The following FBXO39 variants were observed in gnomAD, a reference collection of about 807,000 sequenced individuals.
The protein encoded by FBXO39 is F-box only protein 39.
A neutral mutation model predicts 36.6 loss-of-function variants in FBXO39; 22 were observed. That is an observed-to-expected ratio of 0.60 (90% CI 0.43 to 0.86). The LOEUF (loss-of-function observed/expected upper bound fraction) is 0.86. FBXO39 is among the 40% of genes least tolerant of loss of function. The pLI is 0.00. For missense variants in FBXO39, 536 were observed against 543.9 expected (o/e 0.99, Z 0.14); for synonymous variants, 206 against 205.8 (o/e 1.00, Z -0.01).
chr17:6,785,063 C>T (rs917563891), intron 2 of FBXO39, among the ~76,000 whole-genome samples: 7 of 149,154 alleles, frequency 4.7e-5, no homozygotes, highest in Non-Finnish European at 1.0e-4. Flanking sequence ...TATTACAGAG[C>T]TATAGTCACT....
At chr17:6,779,716 A>G (rs1976479213) in intron 1 of FBXO39, 73 bp from the exon 2 acceptor site, 1 of 795,354 alleles carries the variant, frequency 1.3e-6, no homozygotes, top group African/African-American at 1.7e-5. Context: ...ACTTGGGACC[A>G]CAGGGAAAGC....
chr17:6,776,618 T>C (rs920234560), intron 1 of FBXO39, among the ~76,000 whole-genome samples: 6 of 152,166 alleles, frequency 3.9e-5, no homozygotes, highest in African/African-American at 1.4e-4. Flanking sequence ...ATTTGTGAAA[T>C]GGATGTGTTT....
chr17:6,780,468 C>G lies in FBXO39; in HGVS notation c.600C>G (p.Ile200Met). Residue 200 changes from isoleucine (I) to methionine (M), a missense_variant, in exon 2 of 4, where the codon ATC becomes ATG. Transcript: ENST00000321535. ...RNENVISELN[I>M]EDYFSHHLAV... ...AGAATGTGATCTCAGAGCTCAACAT[C>G]GAGGACTATTTCAGCCATCACCTTG... 6.2e-7 allele frequency: 1 copy of G among 1,614,140 alleles called. No individual in the cohort carries two copies. Among genetic ancestry groups the G allele is most frequent in the Non-Finnish European group, 8.5e-7 (1 of 1,180,032 alleles).
chr17:6,786,678 TG>T, intron 2 of FBXO39, 101 bp from the exon 3 acceptor site: 2 of 943,370 alleles, frequency 2.1e-6, no homozygotes, highest in East Asian at 2.5e-5. Flanking sequence ...CAAATCATCA[TG>T]GCTATCAGGC....
intron 2 of FBXO39, among the ~76,000 whole-genome samples, chr17:6,784,018 A>G (rs1284104208): frequency 6.6e-6 from 1 of 152,134 alleles, no homozygotes; most frequent in Non-Finnish European, 1.5e-5. Flanking sequence ...TCCTCAACAA[A>G]TTATTGGCAA....
chr17:6,786,687 G>C, intron 2 of FBXO39, 93 bp from the exon 3 acceptor site: 3 of 1,084,964 alleles, frequency 2.8e-6, no homozygotes, highest in South Asian at 1.7e-5. Flanking sequence ...ATGGCTATCA[G>C]GCCCAGAGCC....
chr17:6,787,255 C>CGCGCGT (rs774049233), intron 3 of FBXO39, 45 bp from the exon 4 acceptor site: 24 of 1,501,002 alleles, frequency 1.6e-5, no homozygotes, highest in Middle Eastern at 1.8e-4. Context: ...TGTGTGTGTG[C>CGCGCGT]GTGTGTGCGT....
rs1345698582 is a variant in FBXO39, at chr17:6,780,072, C to T, written c.204C>T (p.Ser68=). The T allele has an allele frequency of 2.5e-6, 4 of 1,614,182 alleles. No homozygotes were observed. The highest frequency in any genetic ancestry group is 3.4e-6 in the Non-Finnish European group (4 of 1,180,034). The change falls in exon 2 of 4, where the codon TCC becomes TCT. Residue 68 remains serine, a synonymous_variant. Coordinates refer to ENST00000321535, the MANE Select transcript of FBXO39 (RefSeq NM_153230.3). ...YRTITFSGRP[S]RVHASEVESA... Reference sequence around the variant, plus strand: ...CCATCACCTTCAGCGGGAGACCTTCCAGGGTACATGCATCTGAAGTTGAGT... The same window carrying T: ...CCATCACCTTCAGCGGGAGACCTTCTAGGGTACATGCATCTGAAGTTGAGT...
In FBXO39 at chr17:6,780,076, GTACATGCA is replaced by G. The variant is rs758244915; in HGVS notation, c.210_217del (p.His71Ter). On this transcript the variant is annotated frameshift_variant, in exon 2 of 4. Coordinates refer to ENST00000321535, the MANE Select transcript of FBXO39 (RefSeq NM_153230.3). LOFTEE classifies it high-confidence loss of function. ...CACCTTCAGCGGGAGACCTTCCAGGGTACATGCATCTGAAGTTGAGTCAGCTGTTTGGT... is the reference window on the plus strand; with the variant it reads ...CACCTTCAGCGGGAGACCTTCCAGGGTCTGAAGTTGAGTCAGCTGTTTGGT... 1 of 1,614,208 alleles carries G rather than the reference GTACATGCA, an allele frequency of 6.2e-7. No homozygotes were observed. Among genetic ancestry groups the G allele is most frequent in the Non-Finnish European group, 8.5e-7 (1 of 1,180,034 alleles).
At position 6,780,418 on chromosome 17, in the gene FBXO39, G is replaced by A. The variant is rs772204934; in HGVS notation, c.550G>A (p.Asp184Asn). The change falls in exon 2 of 4, where the codon GAC (aspartate) becomes AAC (asparagine). Residue 184 changes from aspartate to asparagine, a missense_variant. Physicochemically the swap from Asp to Asn is conservative, Grantham distance 23. Coordinates refer to ENST00000321535, the MANE Select transcript of FBXO39 (RefSeq NM_153230.3). ...CGTGGAGCAAGGCTGCCAAATTCTC[G>A]ACTCCCTCAGCTACATGAGGAATGA... ...LTVEQGCQIL[D>N]SLSYMRNENV... is the part of the protein sequence containing the mutation. The A allele has an allele frequency of 1.1e-5, 18 of 1,613,886 alleles. No individual in the cohort carries two copies. Among genetic ancestry groups the A allele is most frequent in the African/African-American group, 2.7e-5 (2 of 74,876 alleles).
chr17:6,780,907 G>A lies in FBXO39; in HGVS notation c.1023+16G>A, dbSNP rs757995841. On this transcript the variant is annotated intron_variant, in intron 2 of 3. Coordinates refer to ENST00000321535, the MANE Select transcript of FBXO39 (RefSeq NM_153230.3). ...CACTCTGCAGGTAGGTAGGACTTGTGAGGAGTGACTGCTGTTCAGGTGACT... is the reference window on the plus strand; with the variant it reads ...CACTCTGCAGGTAGGTAGGACTTGTAAGGAGTGACTGCTGTTCAGGTGACT... The A allele has an allele frequency of 9.4e-6, 15 of 1,599,732 alleles. No individual in the cohort carries two copies. Among genetic ancestry groups the A allele is most frequent in the Middle Eastern group, 2.0e-4 (1 of 4,980 alleles).
chr17:6,785,826 G>T (rs575512775), intron 2 of FBXO39, among the ~76,000 whole-genome samples: 40 of 152,236 alleles, frequency 2.6e-4, no homozygotes, highest in Non-Finnish European at 4.4e-4. Flanking sequence ...CAGTTAAAAC[G>T]ATTTTTATTC....
At position 6,780,900 on chromosome 17, in the gene FBXO39, G is replaced by A. The variant is rs750170907; in HGVS notation, c.1023+9G>A. 1 of 1,603,468 alleles carries A rather than the reference G, an allele frequency of 6.2e-7. No individual in the cohort carries two copies. Among genetic ancestry groups the A allele is most frequent in the South Asian group, 1.1e-5 (1 of 90,318 alleles). On this transcript the variant is annotated intron_variant, in intron 2 of 3. Transcript: ENST00000321535. ...TCCGGCACACTCTGCAGGTAGGTAG[G>A]ACTTGTGAGGAGTGACTGCTGTTCA... is the stretch of plus-strand genomic sequence containing the variant.
At chr17:6,777,059 G>T (rs2151571703) in intron 1 of FBXO39, among the ~76,000 whole-genome samples, 1 of 152,062 alleles carries the variant, frequency 6.6e-6, no homozygotes, top group African/African-American at 2.4e-5. Flanking sequence ...CTACAACCTT[G>T]CTAGGCCAAA....
At chr17:6,786,617 A>C (rs74983369) in intron 2 of FBXO39, among the ~76,000 whole-genome samples, 163 bp from the exon 3 acceptor site, 2,137 of 152,294 alleles carry the variant, frequency 0.014, 37 homozygotes, top group African/African-American at 0.045. Context: ...ATACCCCATA[A>C]ATATATGTAC....
At position 6,787,517 on chromosome 17, in the gene FBXO39, T is replaced by G; in HGVS notation, c.*89T>G. Reference sequence around the variant, plus strand: ...CTACACTTGGGCACTGCCGGCCCTTTTGCTCCTCTCTCTCCCCTCCACTTT... The same window carrying G: ...CTACACTTGGGCACTGCCGGCCCTTGTGCTCCTCTCTCTCCCCTCCACTTT... On this transcript the variant is annotated 3_prime_UTR_variant, in exon 4 of 4. Transcript: ENST00000321535. 1 of 1,515,836 alleles carries G rather than the reference T, an allele frequency of 6.6e-7. No homozygotes were observed. The highest frequency in any genetic ancestry group is 9.0e-7 in the Non-Finnish European group (1 of 1,117,250). The allele number at this position is 1,515,836 out of a possible 1,614,324, so 93.9% of individuals were successfully genotyped here. A position where few individuals can be genotyped will look rare whatever the true frequency, so the allele number is the denominator to read the frequency against.
chr17:6,785,903 G>C (rs1373055934), intron 2 of FBXO39, among the ~76,000 whole-genome samples: 1 of 152,168 alleles, frequency 6.6e-6, no homozygotes, highest in Non-Finnish European at 1.5e-5. Flanking sequence ...CACAGTTGGT[G>C]GGAATTTAAA....
intron 2 of FBXO39, among the ~76,000 whole-genome samples, chr17:6,786,049 A>T (rs1033362755): frequency 1.3e-5 from 2 of 152,184 alleles, no homozygotes; most frequent in Non-Finnish European, 2.9e-5. Context: ...AGATGTCTGC[A>T]CTCTCATGTT....
rs1275816440 is a variant in FBXO39 at position 6,779,944 on chromosome 17, C to T, written c.76C>T (p.Arg26Cys). ...CTTTCTGCCCGATTTGTGTCTGTGC[C>T]GTGTTTTCTGGTGGCTAGGAGACAG... ...WAFLPDLCLC[R>C]VFWWLGDRDR... The change falls in exon 2 of 4, where the codon CGT becomes TGT. Residue 26 changes from arginine (R) to cysteine (C), a missense_variant. Arg to Cys is a radical substitution (Grantham distance 180, BLOSUM62 -3). Coordinates refer to ENST00000321535, the MANE Select transcript of FBXO39 (RefSeq NM_153230.3). 1.9e-5 allele frequency: 31 copies of T among 1,614,040 alleles called. No homozygotes were observed. Among genetic ancestry groups the T allele is most frequent in the East Asian group, 1.1e-4 (5 of 44,894 alleles).
Sources: gnomAD v4.1 joint callset for allele counts (sites outside exome capture counted in the v4.1 genomes callset) on GRCh38, gnomAD v4.1.1 for gene constraint, MANE v1.5 for transcripts, NCBI Gene and HGNC (gene_info 2026-07-23, HGNC 2026-07-21) for gene names.